The following VAV2 variants were observed in gnomAD, a reference collection of about 807,000 sequenced individuals.
The protein encoded by VAV2 is vav guanine nucleotide exchange factor 2, also known as guanine nucleotide exchange factor VAV2.
Under a neutral mutation model 132.5 loss-of-function variants are expected in VAV2, and 67 were observed. That is an observed-to-expected ratio of 0.51 (90% CI 0.42 to 0.62). The LOEUF (loss-of-function observed/expected upper bound fraction) is 0.62. VAV2 is among the 20% of genes least tolerant of loss of function. The probability of loss-of-function intolerance (pLI) is 0.00; values close to 1 mark genes in which losing one functional copy is unlikely to be tolerated. For missense variants in VAV2, 938 were observed against 1,153.6 expected, an observed-to-expected ratio of 0.81 and a Z score of 2.71; for synonymous variants, 492 against 443.5, an observed-to-expected ratio of 1.11 and a Z score of -1.37.
At chr9:133,899,824 A>T (rs1046734651) in intron 2 of VAV2, among the ~76,000 whole-genome samples, 55 of 150,854 alleles carry the variant, frequency 3.6e-4, no homozygotes, top group African/African-American at 1.3e-3. Flanking sequence ...GGTCGAGACC[A>T]TCCTGACTAA....
At chr9:133,894,961 G>A (rs917831514) in intron 2 of VAV2, among the ~76,000 whole-genome samples, 21 of 152,236 alleles carry the variant, frequency 1.4e-4, no homozygotes, top group Admixed American at 1.1e-3. Context: ...GGCCATCGGT[G>A]TCACCGCTGT....
intron 1 of VAV2, among the ~76,000 whole-genome samples, chr9:133,958,499 CCT>C (rs1841863300): frequency 6.6e-6 from 1 of 150,606 alleles, no homozygotes; most frequent in Non-Finnish European, 1.5e-5. Context: ...GTCTGCTGAC[CCT>C]CTCCCCACTA....
chr9:133,849,077 G>A (rs1837066224), intron 3 of VAV2, among the ~76,000 whole-genome samples: 1 of 152,230 alleles, frequency 6.6e-6, no homozygotes, highest in Non-Finnish European at 1.5e-5. Flanking sequence ...TTGCTGAAGA[G>A]GCGGCCTTGG....
intron 3 of VAV2, among the ~76,000 whole-genome samples, chr9:133,849,249 G>C (rs1045325610): frequency 1.3e-5 from 2 of 152,164 alleles, no homozygotes. Context: ...GGAAGGAGGA[G>C]GCCACTGACC....
intron 3 of VAV2, among the ~76,000 whole-genome samples, chr9:133,839,511 C>A (rs1836632459): frequency 6.7e-6 from 1 of 150,180 alleles, no homozygotes; most frequent in East Asian, 1.9e-4. Context: ...AGTGCAATGG[C>A]ATGATCTCGG....
At chr9:133,793,519 C>G (rs1479719259) in intron 12 of VAV2, among the ~76,000 whole-genome samples, 2 of 152,126 alleles carry the variant, frequency 1.3e-5, no homozygotes, top group Non-Finnish European at 2.9e-5. Flanking sequence ...GAATAAATTC[C>G]CAGAGACAAG....
chr9:133,880,120 C>T (rs1838428704), intron 2 of VAV2, among the ~76,000 whole-genome samples: 1 of 152,076 alleles, frequency 6.6e-6, no homozygotes, highest in South Asian at 2.1e-4. Flanking sequence ...CACCTGGACC[C>T]ACCTGCGCCG....
At chr9:133,937,168 G>A (rs1182177260) in intron 2 of VAV2, among the ~76,000 whole-genome samples, 1 of 152,186 alleles carries the variant, frequency 6.6e-6, no homozygotes, top group Non-Finnish European at 1.5e-5. Context: ...AATACCAGTT[G>A]AGTGTCTAAG....
intron 2 of VAV2, among the ~76,000 whole-genome samples, chr9:133,936,728 T>C (rs1317992312): frequency 6.6e-6 from 1 of 152,168 alleles, no homozygotes; most frequent in Non-Finnish European, 1.5e-5. Flanking sequence ...GTCTGCACGG[T>C]GACATCACCT....
At chr9:133,891,150 G>A (rs960375338) in intron 2 of VAV2, among the ~76,000 whole-genome samples, 17 of 150,022 alleles carry the variant, frequency 1.1e-4, no homozygotes, top group East Asian at 2.1e-4. Flanking sequence ...GCAGAGGCCC[G>A]GGGGACAAGG....
chr9:133,858,029 G>A (rs1304095082), intron 3 of VAV2, among the ~76,000 whole-genome samples: 1 of 152,214 alleles, frequency 6.6e-6, no homozygotes, highest in Non-Finnish European at 1.5e-5. Flanking sequence ...TGTGCAGAAA[G>A]GGGTAACTGA....
intron 23 of VAV2, 89 bp from the exon 24 acceptor site, chr9:133,776,169 TC>T (rs2131582279): frequency 6.5e-7 from 1 of 1,540,926 alleles, no homozygotes. Context: ...GACTGCCCTG[TC>T]CCCACATTGG....
At chr9:133,810,102 G>T in intron 6 of VAV2, 89 bp downstream of exon 6, 1 of 1,588,180 alleles carries the variant, frequency 6.3e-7, no homozygotes. Context: ...AGGGTCCCGA[G>T]TTTTCTCAGA....
At chr9:133,874,574 C>A (rs1426380548) in intron 2 of VAV2, among the ~76,000 whole-genome samples, 1 of 152,150 alleles carries the variant, frequency 6.6e-6, no homozygotes, top group Non-Finnish European at 1.5e-5. Flanking sequence ...CTCAAGGTAC[C>A]CGCCCAGACC....
rs114337012 is a variant in VAV2, at chr9:133,916,427, C to T, written c.321+22676G>A. On this transcript the variant is annotated intron_variant, in intron 2 of 29. Transcript: ENST00000371850. Reference sequence around the variant, plus strand: ...TGGTGGGTGCCAACGAGGGCCCGGGCGCACAGGCCCAGGACTAACAAAAGC... The same window carrying T: ...TGGTGGGTGCCAACGAGGGCCCGGGTGCACAGGCCCAGGACTAACAAAAGC... Among the ~76,000 whole-genome samples, 501 of 152,310 alleles carry T rather than the reference C, an allele frequency of 3.3e-3. 3 individuals are homozygous for T. Among genetic ancestry groups the T allele is most frequent in the African/African-American group, 0.01 (425 of 41,562 alleles).
chr9:133,776,273 G>C (rs1833808007), intron 23 of VAV2, among the ~76,000 whole-genome samples, 193 bp from the exon 24 acceptor site: 1 of 152,248 alleles, frequency 6.6e-6, no homozygotes, highest in Non-Finnish European at 1.5e-5. Flanking sequence ...TCATCTCTGA[G>C]TAGATGCCCC....
At position 133,863,592 on chromosome 9, in the gene VAV2, T is replaced by C. The variant is rs1309464391; in HGVS notation, c.322-2160A>G. 2.0e-5 allele frequency among the ~76,000 whole-genome samples: 3 copies of C among 152,138 alleles called. No homozygotes were observed. The highest frequency in any genetic ancestry group is 7.2e-5 in the African/African-American group (3 of 41,444). On this transcript the variant is annotated intron_variant, in intron 2 of 29. Transcript: ENST00000371850. This position sits in a 1 kb window ranked among gnomAD's most constrained non-coding sequence, Gnocchi z 5.0. ...CCTCAGCCCCAAGCTTGGGGCGCTTTGCCCCAGGATGAACGTGTCACGAGC... is the reference window on the plus strand; with the variant it reads ...CCTCAGCCCCAAGCTTGGGGCGCTTCGCCCCAGGATGAACGTGTCACGAGC...
chr9:133,787,751 G>A (rs1045322900), intron 15 of VAV2, among the ~76,000 whole-genome samples: 40 of 151,864 alleles, frequency 2.6e-4, no homozygotes, highest in Non-Finnish European at 4.6e-4. Context: ...CTTCGGCCCC[G>A]TCCCTGTAGC....
intron 4 of VAV2, among the ~76,000 whole-genome samples, chr9:133,818,086 C>T (rs867477347): frequency 3.3e-5 from 5 of 152,230 alleles, no homozygotes; most frequent in East Asian, 1.9e-4. Context: ...AGAGGGCGGC[C>T]GGGCGCGGCG....
Sources: gnomAD v4.1 joint callset for allele counts (sites outside exome capture counted in the v4.1 genomes callset) on GRCh38, gnomAD v4.1.1 for gene constraint, Gnocchi (gnomAD v3.1) non-coding constraint, MANE v1.5 for transcripts, NCBI Gene and HGNC (gene_info 2026-07-23, HGNC 2026-07-21) for gene names.